The following FHIT variants were observed in gnomAD, a reference collection of about 807,000 sequenced individuals.
The protein encoded by FHIT is fragile histidine triad diadenosine triphosphatase.
FHIT carries 19 observed loss-of-function variants against 17.9 expected under a neutral mutation model. The ratio of observed to expected loss-of-function variants is 1.06; its 90% confidence interval spans 0.74 to 1.56. The LOEUF is 1.56. Ranked by LOEUF, FHIT falls within the 40% of genes most tolerant of loss-of-function variation. FHIT has a pLI of 0.00. For missense variants in FHIT, 248 were observed against 189.2 expected (o/e 1.31, Z -1.82); for synonymous variants, 81 against 69.7 (o/e 1.16, Z -0.81).
chr3:60,121,520 T>C (rs138298285), intron 5 of FHIT, among the ~76,000 whole-genome samples: 27 of 152,052 alleles, frequency 1.8e-4, no homozygotes, highest in African/African-American at 6.3e-4. Flanking sequence ...ATCCCATCTC[T>C]ACCAAACATA....
intron 5 of FHIT, among the ~76,000 whole-genome samples, chr3:60,155,261 G>A (rs1700632022): frequency 6.6e-6 from 1 of 151,804 alleles, no homozygotes; most frequent in Non-Finnish European, 1.5e-5. Context: ...TCACACGGCT[G>A]TCAGTGCTTT....
chr3:60,279,756 C>T (rs147367675), intron 5 of FHIT, among the ~76,000 whole-genome samples: 1 of 152,062 alleles, frequency 6.6e-6, no homozygotes, highest in Non-Finnish European at 1.5e-5. Flanking sequence ...GCTGGTGGAA[C>T]GTTCAAAAAC....
intron 1 of FHIT, among the ~76,000 whole-genome samples, chr3:61,211,726 C>T (rs1242391889): frequency 2.0e-5 from 3 of 152,216 alleles, no homozygotes; most frequent in Non-Finnish European, 2.9e-5. Flanking sequence ...TGACCCCTGA[C>T]CCCCGAGCAG....
chr3:61,199,119 T>C (rs2106664958), intron 2 of FHIT, among the ~76,000 whole-genome samples: 1 of 152,300 alleles, frequency 6.6e-6, no homozygotes, highest in Middle Eastern at 3.4e-3. Context: ...TTGTCCGCAG[T>C]CCAACAGCTA....
At chr3:60,399,982 G>T (rs899352556) in intron 5 of FHIT, among the ~76,000 whole-genome samples, 2 of 152,142 alleles carry the variant, frequency 1.3e-5, no homozygotes, top group African/African-American at 4.8e-5. Context: ...CTAGTCTGAG[G>T]CAGTCAGTTC....
rs149814331 is a variant in FHIT at position 61,227,053 on chromosome 3, A to G, written c.-213+24248T>C. ...ACTAACCAAGTCTTTCAGGTCAGTA[A>G]AGGTTTCTCTGAGGAAGAGACATTT... On this transcript the variant is annotated intron_variant, in intron 1 of 9. Coordinates refer to ENST00000492590, the MANE Select transcript of FHIT (RefSeq NM_002012.4). Among the ~76,000 whole-genome samples, 5 of 152,374 alleles carry G rather than the reference A, an allele frequency of 3.3e-5. No individual in the cohort carries two copies. The East Asian group carries it at 9.6e-4, about 29-fold the overall frequency.
chr3:60,730,174 A>G, intron 4 of FHIT: 1 of 413,708 alleles, frequency 2.4e-6, no homozygotes. Flanking sequence ...GTTGTCACTA[A>G]TGGCTCTGTG....
intron 5 of FHIT, among the ~76,000 whole-genome samples, chr3:60,349,284 A>G (rs948303467): frequency 5.3e-5 from 8 of 152,186 alleles, no homozygotes; most frequent in African/African-American, 1.9e-4. Context: ...CAAGCCACCA[A>G]GTGTCAACCT....
At chr3:59,985,363 T>C (rs968863710) in intron 7 of FHIT, among the ~76,000 whole-genome samples, 2 of 152,136 alleles carry the variant, frequency 1.3e-5, no homozygotes, top group Admixed American at 6.6e-5. Flanking sequence ...TAGGGGGTTA[T>C]TTGTAAAACC....
intron 2 of FHIT, among the ~76,000 whole-genome samples, chr3:61,064,578 T>G (rs2034537248): frequency 6.6e-6 from 1 of 152,178 alleles, no homozygotes; most frequent in Non-Finnish European, 1.5e-5. Context: ...TCAACCTTAC[T>G]TCAGAGTTCT....
chr3:61,156,906 C>T (rs1217677802), intron 2 of FHIT, among the ~76,000 whole-genome samples: 1 of 152,168 alleles, frequency 6.6e-6, no homozygotes, highest in East Asian at 1.9e-4. Flanking sequence ...AGAGATTCTC[C>T]TGCAAATACA....
At chr3:61,208,805 A>G (rs1355378949) in intron 1 of FHIT, among the ~76,000 whole-genome samples, 1 of 152,062 alleles carries the variant, frequency 6.6e-6, no homozygotes, top group Non-Finnish European at 1.5e-5. Context: ...TGGAGCATTT[A>G]GTCCATTTAC....
intron 4 of FHIT, among the ~76,000 whole-genome samples, chr3:60,605,291 C>T (rs927350654): frequency 6.6e-6 from 1 of 152,132 alleles, no homozygotes; most frequent in African/African-American, 2.4e-5. Context: ...TGAAATCATA[C>T]TATTTGCAGT....
At chr3:60,715,469 T>C (rs1006385138) in intron 4 of FHIT, among the ~76,000 whole-genome samples, 1 of 151,934 alleles carries the variant, frequency 6.6e-6, no homozygotes, top group African/African-American at 2.4e-5. Context: ...ATGTCCTTTG[T>C]AGGGACATGG....
intron 5 of FHIT, among the ~76,000 whole-genome samples, chr3:60,395,613 G>A (rs1576592311): frequency 6.6e-6 from 1 of 152,160 alleles, no homozygotes; most frequent in East Asian, 1.9e-4. Flanking sequence ...GCTAATTTGT[G>A]CTTCATGAAT....
chr3:60,274,480 A>C (rs184896874), intron 5 of FHIT, among the ~76,000 whole-genome samples: 2 of 152,302 alleles, frequency 1.3e-5, no homozygotes, highest in Admixed American at 1.3e-4. Flanking sequence ...CACACTTACT[A>C]CATGGATGTA....
chr3:60,118,463 T>G (rs1705082309), intron 5 of FHIT, among the ~76,000 whole-genome samples: 1 of 151,854 alleles, frequency 6.6e-6, no homozygotes, highest in Admixed American at 6.6e-5. Context: ...AGCGTTTTGG[T>G]AATCTCTTAT....
intron 5 of FHIT, among the ~76,000 whole-genome samples, chr3:60,400,976 C>T (rs1311245581): frequency 1.3e-5 from 2 of 151,812 alleles, no homozygotes; most frequent in Non-Finnish European, 2.9e-5. Context: ...CTTAGTGCTG[C>T]ATAGAAATTG....
chr3:60,677,552 T>G (rs2040650738), intron 4 of FHIT, among the ~76,000 whole-genome samples: 1 of 152,176 alleles, frequency 6.6e-6, no homozygotes, highest in Admixed American at 6.6e-5. Context: ...TATACATAAA[T>G]AAAATGTGCT....
Sources: allele counts gnomAD v4.1 joint callset (sites outside exome capture counted in the v4.1 genomes callset), GRCh38; gene constraint gnomAD v4.1.1; transcripts MANE v1.5; gene names NCBI Gene and HGNC (gene_info 2026-07-23, HGNC 2026-07-21).